LAMB2: variants seen among roughly 807,000 people sequenced by gnomAD.
LAMB2 encodes the protein laminin subunit beta 2.
A neutral mutation model predicts 202.7 loss-of-function variants in LAMB2; 119 were observed. That is an observed-to-expected ratio of 0.59 (90% CI 0.51 to 0.68). The LOEUF is 0.68. Among genes scored for constraint, LAMB2 ranks in the 30% least tolerant of loss-of-function variants. LAMB2 has a pLI of 0.00. For missense variants in LAMB2, 2,124 were observed against 2,410.6 expected (o/e 0.88, Z 2.49); for synonymous variants, 818 against 902.2 (o/e 0.91, Z 1.67).
At position 49,132,525 on chromosome 3, in the gene LAMB2, C is replaced by T. The variant is rs776819202; in HGVS notation, c.215G>A (p.Gly72Asp). The change falls in exon 2 of 32, where the codon GGC (glycine) becomes GAC (aspartate). Residue 72 changes from glycine (G) to aspartate (D), a missense_variant. Physicochemically the swap from Gly to Asp is moderately conservative, Grantham distance 94. Around this residue, in one of 3 missense-constraint regions of LAMB2, gnomAD observed 166 missense variants for 158.2 expected, o/e 1.05. Transcript: ENST00000305544. This position sits in a 1 kb window ranked among gnomAD's most constrained non-coding sequence, Gnocchi z 4.6. ...LTASSTCGLNGPQPYCIVSHL... is the reference protein window; with the variant it reads ...LTASSTCGLNDPQPYCIVSHL... Reference sequence around the variant, plus strand: ...ACTGACGATGCAGTAGGGCTGGGGGCCATTCAGGCCACAAGTGGATGAGGC... The same window carrying T: ...ACTGACGATGCAGTAGGGCTGGGGGTCATTCAGGCCACAAGTGGATGAGGC... 2 of 1,613,564 alleles carry T rather than the reference C, an allele frequency of 1.2e-6. No individual in the cohort carries two copies. Among genetic ancestry groups the T allele is most frequent in the African/African-American group, 1.3e-5 (1 of 74,942 alleles).
In LAMB2 at chr3:49,123,814, C is replaced by T. The variant is rs1292823631; in HGVS notation, c.3711G>A (p.Lys1237=). Residue 1237 remains lysine (K), a synonymous_variant, in exon 24 of 32, where the codon AAG becomes AAA. Coordinates refer to ENST00000305544, the MANE Select transcript of LAMB2 (RefSeq NM_002292.4). ...CTACGATGCCCTGCACAATGCCCAG[C>T]TTCTCCTGCATGTGCCAGAAGCTGC... ...FESSFWHMQE[K]LGIVQGIVGA... The T allele has an allele frequency of 5.6e-6, 9 of 1,613,222 alleles. No homozygotes were observed. The highest frequency in any genetic ancestry group is 7.6e-6 in the Non-Finnish European group (9 of 1,179,982).
rs768360265 is a variant in LAMB2 at position 49,122,991 on chromosome 3, C to T, written c.4286G>A (p.Arg1429Gln). ...ATSPCGGAGC[R>Q]DEDGQPRCGG... ...ACAGCGCGGCTGCCCATCCTCATCT[C>T]GACAGCCGGCACCCCCACAAGGGCT... Residue 1429 changes from arginine to glutamine, a missense_variant, in exon 27 of 32, where the codon CGA (arginine) becomes CAA (glutamine). Physicochemically the swap from Arg to Gln is conservative, Grantham distance 43. This residue lies in a region of LAMB2 where 1,702 missense variants were observed against 1,896.3 expected (regional missense o/e 0.90). Coordinates refer to ENST00000305544, the MANE Select transcript of LAMB2 (RefSeq NM_002292.4). 3.6e-5 allele frequency: 58 copies of T among 1,608,730 alleles called. No individual in the cohort carries two copies. The highest frequency in any genetic ancestry group is 5.5e-5 in the South Asian group (5 of 91,092).
chr3:49,122,618 G>T, intron 27 of LAMB2, 86 bp downstream of exon 27: 1 of 1,182,274 alleles, frequency 8.5e-7, no homozygotes, highest in Non-Finnish European at 1.3e-6. Context: ...TAGTCCCTGA[G>T]GCTCAAGTAT....
intron 18 of LAMB2, 107 bp downstream of exon 18, chr3:49,125,640 G>A (rs1432752652): frequency 2.0e-6 from 3 of 1,495,372 alleles, no homozygotes; most frequent in Non-Finnish European, 2.7e-6. Context: ...AGAGTAGAGG[G>A]TCCAAGACTT....
intron 27 of LAMB2, 71 bp downstream of exon 27, chr3:49,122,633 C>A: frequency 7.7e-7 from 1 of 1,294,022 alleles, no homozygotes; most frequent in Non-Finnish European, 1.1e-6. Context: ...AAGTATGAAC[C>A]AAGGGAGATA....
Position 49,123,322 on chromosome 3 carries a change from C to A in LAMB2, c.4034G>T (p.Arg1345Leu). 1.2e-6 allele frequency: 2 copies of A among 1,614,096 alleles called. No homozygotes were observed. The highest frequency in any genetic ancestry group is 1.7e-6 in the Non-Finnish European group (2 of 1,180,026). ...TGCCAGGGCTGAGGTATTGGCACGA[C>A]GTTCTGCCTCTGCAGACTGGCTATG... ...HAHSQSAEAE[R>L]RANTSALAVP... is the part of the protein sequence containing the mutation. The change falls in exon 26 of 32, where the codon CGT becomes CTT. Residue 1345 changes from arginine (R) to leucine (L), a missense_variant. Physicochemically the swap from Arg to Leu is moderately radical, Grantham distance 102. This residue lies in a region of LAMB2 where 1,702 missense variants were observed against 1,896.3 expected (regional missense o/e 0.90). Transcript: ENST00000305544.
At chr3:49,125,647 A>G in intron 18 of LAMB2, 100 bp downstream of exon 18, 2 of 1,523,496 alleles carry the variant, frequency 1.3e-6, no homozygotes. Context: ...AGGGTCCAAG[A>G]CTTAGTTTGA....
At chr3:49,125,715 A>G in intron 18 of LAMB2, 32 bp downstream of exon 18, 1 of 1,607,844 alleles carries the variant, frequency 6.2e-7, no homozygotes, top group Non-Finnish European at 8.5e-7. Context: ...AGGAGAGAGA[A>G]GCATAGGAGG....
rs952439704 is a variant in LAMB2, at chr3:49,122,781, T to C, written c.4496A>G (p.Asn1499Ser). Residue 1499 changes from asparagine to serine, a missense_variant, in exon 27 of 32, where the codon AAT becomes AGT. Transcript: ENST00000305544. ...QRAQAALDKA[N>S]ASRGQVEQAN... ...CTGTTCCACCTGTCCCCTGGAAGCA[T>C]TAGCCTTGTCCAGGGCTGCCTGGGC... 6.2e-7 allele frequency: 1 copy of C among 1,614,108 alleles called. No homozygotes were observed. Among genetic ancestry groups the C allele is most frequent in the South Asian group, 1.1e-5 (1 of 91,086 alleles).
In LAMB2 at chr3:49,129,967, T is replaced by A. The variant is rs367947002; in HGVS notation, c.1277A>T (p.His426Leu). The A allele has an allele frequency of 6.2e-7, 1 of 1,614,034 alleles. No homozygotes were observed. Among genetic ancestry groups the A allele is most frequent in the Non-Finnish European group, 8.5e-7 (1 of 1,180,018 alleles). The change falls in exon 10 of 32, where the codon CAT (histidine) becomes CTT (leucine). Residue 426 changes from histidine (H) to leucine (L), a missense_variant. By Grantham distance (99) the His-to-Leu change is moderately conservative. Transcript: ENST00000305544. This position sits in a 1 kb window ranked among gnomAD's most constrained non-coding sequence, Gnocchi z 6.1. ...GSQDGGRCDS[H>L]DDPALGLVSG... The stretch of plus-strand genomic sequence containing the variant: ...GACCAGTCCCAGTGCAGGGTCATCA[T>A]GGGAATCACAGCGACCACCGTCTTG...
rs1388606901 is a variant in LAMB2, at chr3:49,122,257, C to T, written c.4687G>A (p.Val1563Ile). 1 of 1,613,512 alleles carries T rather than the reference C, an allele frequency of 6.2e-7. No individual in the cohort carries two copies. The highest frequency in any genetic ancestry group is 8.5e-7 in the Non-Finnish European group (1 of 1,180,050). The part of the protein sequence containing the change: ...QHLAGAIAER[V>I]RSLADVDAIL... ...GCATCCACATCTGCCAGGCTCCGGACTCGCTCTGCAATCGCACCCGCCAGG... is the reference window on the plus strand; with the variant it reads ...GCATCCACATCTGCCAGGCTCCGGATTCGCTCTGCAATCGCACCCGCCAGG... The change falls in exon 28 of 32, where the codon GTC becomes ATC. Residue 1563 changes from valine to isoleucine, a missense_variant. Transcript: ENST00000305544.
chr3:49,122,554 C>A, intron 27 of LAMB2, 150 bp downstream of exon 27: 1 of 920,434 alleles, frequency 1.1e-6, no homozygotes, highest in African/African-American at 1.6e-5. Context: ...CCTGGGACCA[C>A]ATATGGGCAA....
In LAMB2 at chr3:49,129,433, C is replaced by A; in HGVS notation, c.1519-109G>T. ...AGCCTCAATCACCCCTCAGTGAAAA[C>A]ATGCCCCCCAGACCACTGGCCCACA... On this transcript the variant is annotated intron_variant, in intron 11 of 31. Coordinates refer to ENST00000305544, the MANE Select transcript of LAMB2 (RefSeq NM_002292.4). This position sits in a 1 kb window ranked among gnomAD's most constrained non-coding sequence, Gnocchi z 6.1. The A allele has an allele frequency of 8.7e-7, 1 of 1,151,638 alleles. No individual in the cohort carries two copies. Among genetic ancestry groups the A allele is most frequent in the Non-Finnish European group, 1.3e-6 (1 of 783,838 alleles). 71.3% of individuals were successfully genotyped at this position (1,151,638 alleles called of 1,614,324 possible).
intron 25 of LAMB2, 34 bp from the exon 26 acceptor site, chr3:49,123,407 A>G (rs749343590): frequency 2.5e-6 from 4 of 1,614,036 alleles, no homozygotes; most frequent in South Asian, 1.1e-5. Flanking sequence ...TCAGCTGAAG[A>G]CTGACCCTGG....
At chr3:49,126,859 C>G (rs1012020933) in intron 15 of LAMB2, among the ~76,000 whole-genome samples, 4 of 152,176 alleles carry the variant, frequency 2.6e-5, no homozygotes, top group African/African-American at 9.7e-5. Flanking sequence ...ACTATGTCGC[C>G]CCCTCTCTCT....
In LAMB2 at chr3:49,129,413, C is replaced by T; in HGVS notation, c.1519-89G>A. On this transcript the variant is annotated intron_variant, in intron 11 of 31. Transcript: ENST00000305544. This position sits in a 1 kb window ranked among gnomAD's most constrained non-coding sequence, Gnocchi z 6.1. ...AAATCCCAACCACACGTCTTAGCCT[C>T]AATCACCCCTCAGTGAAAACATGCC... is the stretch of plus-strand genomic sequence containing the variant. The T allele has an allele frequency of 8.0e-7, 1 of 1,246,230 alleles. No individual in the cohort carries two copies. The highest frequency in any genetic ancestry group is 1.3e-5 in the South Asian group (1 of 78,846). The allele number at this position is 1,246,230 out of a possible 1,614,324, so 77.2% of individuals were successfully genotyped here.
In LAMB2 at chr3:49,130,461, C is replaced by T. The variant is rs773202204; in HGVS notation, c.1037-42G>A. On this transcript the variant is annotated intron_variant, in intron 8 of 31. Coordinates refer to ENST00000305544, the MANE Select transcript of LAMB2 (RefSeq NM_002292.4). This position sits in a 1 kb window ranked among gnomAD's most constrained non-coding sequence, Gnocchi z 5.0. ...GGCAGGGCAAAGGCCACATGAGGAA[C>T]CAGGTCACAAGGGTAAGAAGTAGGC... The T allele has an allele frequency of 5.0e-6, 8 of 1,610,182 alleles. No individual in the cohort carries two copies. The South Asian group carries it at 7.7e-5, about 15-fold the overall frequency.
intron 15 of LAMB2, among the ~76,000 whole-genome samples, chr3:49,126,856 C>T (rs1414587029): frequency 1.3e-5 from 2 of 152,172 alleles, no homozygotes; most frequent in East Asian, 1.9e-4. Flanking sequence ...AACACTATGT[C>T]GCCCCCTCTC....
In LAMB2 at chr3:49,128,478, C is replaced by T. The variant is rs751839430; in HGVS notation, c.1998G>A (p.Gly666=). The T allele has an allele frequency of 1.2e-6, 2 of 1,613,926 alleles. No individual in the cohort carries two copies. Among genetic ancestry groups the T allele is most frequent in the East Asian group, 4.5e-5 (2 of 44,902 alleles). The part of the protein sequence containing the change: ...HLVPKDDRIQ[G]TLQPHARYLI... ...CTCACCTGGCATGTGGTTGCAGAGT[C>T]CCTTGGATGCGATCATCCTTGGGCA... is the stretch of plus-strand genomic sequence containing the variant. The change falls in exon 15 of 32, where the codon GGG becomes GGA. Residue 666 remains glycine (G), a synonymous_variant. Coordinates refer to ENST00000305544, the MANE Select transcript of LAMB2 (RefSeq NM_002292.4).
Sources: allele counts gnomAD v4.1 joint callset (sites outside exome capture counted in the v4.1 genomes callset), GRCh38; gene constraint gnomAD v4.1.1; regional missense constraint gnomAD v4.1.1; non-coding constraint Gnocchi (gnomAD v3.1); transcripts MANE v1.5; gene names NCBI Gene and HGNC (gene_info 2026-07-23, HGNC 2026-07-21).